Variants in PRNP observed in about 807,000 individuals in gnomAD.
The protein encoded by PRNP is prion protein (Kanno blood group), also known as major prion protein.
PRNP carries 15 observed loss-of-function variants against 21.3 expected under a neutral mutation model. The observed-to-expected ratio is 0.71, with a 90% CI of 0.47 to 1.09. PRNP has a LOEUF of 1.09. Among genes scored for constraint, PRNP ranks in the 50% least tolerant of loss-of-function variants. The pLI, the probability that PRNP is intolerant of heterozygous loss-of-function variation, is 0.00. For synonymous variants in PRNP, 121 were observed against 123.1 expected, an observed-to-expected ratio of 0.98 and a Z score of 0.11; for missense variants, 285 against 340.9, an observed-to-expected ratio of 0.84 and a Z score of 1.29.
At chr20:4,687,216 A>G (rs1921511318) in intron 1 of PRNP, among the ~76,000 whole-genome samples, 1 of 151,682 alleles carries the variant, frequency 6.6e-6, no homozygotes, top group South Asian at 2.1e-4. Context: ...CGCCTGGAGA[A>G]GCGGCCCACG....
Position 4,700,180 on chromosome 20 carries a change from T to C in PRNP, c.*198T>C, listed in dbSNP as rs1411322863. 3 of 1,507,668 alleles carry C rather than the reference T, an allele frequency of 2.0e-6. No homozygotes were observed. Among genetic ancestry groups the C allele is most frequent in the Non-Finnish European group, 1.8e-6 (2 of 1,110,270 alleles). The allele number at this position is 1,507,668 out of a possible 1,614,324, so 93.4% of individuals were successfully genotyped here. On this transcript the variant is annotated 3_prime_UTR_variant, in exon 2 of 2. Coordinates refer to ENST00000379440, the MANE Select transcript of PRNP (RefSeq NM_000311.5). This position sits in a 1 kb window ranked among gnomAD's most constrained non-coding sequence, Gnocchi z 4.1. Reference sequence around the variant, plus strand: ...GAGATGCTGGTCAAGCCCCCTTTGATTGAGTTCATCATGAGCCGTTGCTAA... The same window carrying C: ...GAGATGCTGGTCAAGCCCCCTTTGACTGAGTTCATCATGAGCCGTTGCTAA...
intron 1 of PRNP, among the ~76,000 whole-genome samples, chr20:4,695,729 A>T (rs1468119131): frequency 1.3e-5 from 2 of 152,224 alleles, no homozygotes; most frequent in African/African-American, 4.8e-5. Flanking sequence ...TTGTTTAAAA[A>T]GTTCTTCCCC....
chr20:4,688,971 T>C (rs1171190414), intron 1 of PRNP, among the ~76,000 whole-genome samples: 2 of 152,236 alleles, frequency 1.3e-5, no homozygotes, highest in Non-Finnish European at 2.9e-5. Flanking sequence ...GAGATTGTTA[T>C]ATTTGCTACT....
At position 4,689,522 on chromosome 20, in the gene PRNP, C is replaced by T. The variant is rs566745273; in HGVS notation, c.-11+3010C>T. Among the ~76,000 whole-genome samples, 14 of 152,336 alleles carry T rather than the reference C, an allele frequency of 9.2e-5. No homozygotes were observed. In the South Asian group the frequency reaches 1.2e-3, roughly 14 times the overall value. On this transcript the variant is annotated intron_variant, in intron 1 of 1. Transcript: ENST00000379440. ...AATAATAACATAACAGAAGTTTCTG[C>T]ACCACACTGACACTGAACATGGCTG...
At chr20:4,692,229 G>A (rs894313361) in intron 1 of PRNP, among the ~76,000 whole-genome samples, 1 of 151,996 alleles carries the variant, frequency 6.6e-6, no homozygotes, top group Non-Finnish European at 1.5e-5. Flanking sequence ...TTTGTAGCTT[G>A]CCTACTACTT....
chr20:4,697,290 A>G lies in PRNP; in HGVS notation c.-10-1921A>G, dbSNP rs1000275839. ...TATCCAGCATTTATTTTGCATGTCT[A>G]TGGGTCAAGCGCTCTGTCTAGGAAC... On this transcript the variant is annotated intron_variant, in intron 1 of 1. Transcript: ENST00000379440. The surrounding 1 kb of genome is among the most constrained non-coding windows in gnomAD (Gnocchi z 4.6). Among the ~76,000 whole-genome samples the G allele has an allele frequency of 5.9e-5, 9 of 152,124 alleles. No homozygotes were observed. Among genetic ancestry groups the G allele is most frequent in the Admixed American group, 1.3e-4 (2 of 15,284 alleles).
Position 4,697,145 on chromosome 20 carries a change from C to G in PRNP, c.-10-2066C>G, listed in dbSNP as rs1490947167. Among the ~76,000 whole-genome samples, 1 of 152,162 alleles carries G rather than the reference C, an allele frequency of 6.6e-6. No individual in the cohort carries two copies. Among genetic ancestry groups the G allele is most frequent in the Non-Finnish European group, 1.5e-5 (1 of 68,018 alleles). On this transcript the variant is annotated intron_variant, in intron 1 of 1. Transcript: ENST00000379440. This position sits in a 1 kb window ranked among gnomAD's most constrained non-coding sequence, Gnocchi z 4.6. The stretch of plus-strand genomic sequence containing the variant: ...ATTGAAAATGTTAGCTGGCCATTGT[C>G]AAAAATACTATTTTGTAAATTTATA...
chr20:4,692,600 A>G (rs1370171824), intron 1 of PRNP, among the ~76,000 whole-genome samples: 1 of 152,224 alleles, frequency 6.6e-6, no homozygotes, highest in African/African-American at 2.4e-5. Context: ...GTTCTATAGA[A>G]ACGTTTTAAA....
In PRNP at chr20:4,699,711, G is replaced by A. The variant is rs1922449202; in HGVS notation, c.491G>A (p.Arg164Lys). 1 of 1,613,876 alleles carries A rather than the reference G, an allele frequency of 6.2e-7. No individual in the cohort carries two copies. The highest frequency in any genetic ancestry group is 1.1e-5 in the South Asian group (1 of 91,074). Residue 164 changes from arginine (R) to lysine (K), a missense_variant, in exon 2 of 2, where the codon AGG (arginine) becomes AAG (lysine). Coordinates refer to ENST00000379440, the MANE Select transcript of PRNP (RefSeq NM_000311.5). The surrounding 1 kb of genome is among the most constrained non-coding windows in gnomAD (Gnocchi z 5.8). Reference sequence around the variant, plus strand: ...CGTTACCCCAACCAAGTGTACTACAGGCCCATGGATGAGTACAGCAACCAG... The same window carrying A: ...CGTTACCCCAACCAAGTGTACTACAAGCCCATGGATGAGTACAGCAACCAG... ...MHRYPNQVYY[R>K]PMDEYSNQNN...
In PRNP at chr20:4,691,841, A is replaced by G. The variant is rs1053579915; in HGVS notation, c.-11+5329A>G. Reference sequence around the variant, plus strand: ...AAAAACTTGATACGATTTCAGTCTAATTAAGTTTGTTAAGACTTGTTTTAT... The same window carrying G: ...AAAAACTTGATACGATTTCAGTCTAGTTAAGTTTGTTAAGACTTGTTTTAT... On this transcript the variant is annotated intron_variant, in intron 1 of 1. Coordinates refer to ENST00000379440, the MANE Select transcript of PRNP (RefSeq NM_000311.5). Among the ~76,000 whole-genome samples, 4 of 152,198 alleles carry G rather than the reference A, an allele frequency of 2.6e-5. No homozygotes were observed. In the East Asian group the frequency reaches 5.8e-4, roughly 22 times the overall value.
chr20:4,687,316 A>G (rs1333143643), intron 1 of PRNP, among the ~76,000 whole-genome samples: 1 of 152,010 alleles, frequency 6.6e-6, no homozygotes, highest in Non-Finnish European at 1.5e-5. Context: ...GCGGGGAGAG[A>G]GGAGCTGCAG....
chr20:4,688,363 T>C (rs920921406), intron 1 of PRNP, among the ~76,000 whole-genome samples: 2 of 152,196 alleles, frequency 1.3e-5, no homozygotes, highest in South Asian at 2.1e-4. Flanking sequence ...AATTTCCTGA[T>C]CCTCCTTTTG....
chr20:4,693,419 C>T (rs967071204), intron 1 of PRNP, among the ~76,000 whole-genome samples: 2 of 152,186 alleles, frequency 1.3e-5, no homozygotes, highest in African/African-American at 4.8e-5. Flanking sequence ...AATCCTCCTG[C>T]CTGAGCTTCC....
intron 1 of PRNP, among the ~76,000 whole-genome samples, chr20:4,687,197 C>G (rs966075829): frequency 2.0e-5 from 3 of 152,046 alleles, no homozygotes; most frequent in South Asian, 4.1e-4. Context: ...GCCTTGCGGC[C>G]GTTGCCACCG....
In PRNP at chr20:4,700,543, T is replaced by G; in HGVS notation, c.*561T>G. ...AGCCCGCTGGAGCATGAGCTCTGTGTGTACCGAGAACTGGGGTGATGTTTT... is the reference window on the plus strand; with the variant it reads ...AGCCCGCTGGAGCATGAGCTCTGTGGGTACCGAGAACTGGGGTGATGTTTT... On this transcript the variant is annotated 3_prime_UTR_variant, in exon 2 of 2. Transcript: ENST00000379440. This position sits in a 1 kb window ranked among gnomAD's most constrained non-coding sequence, Gnocchi z 4.1. The G allele has an allele frequency of 3.4e-6, 1 of 290,926 alleles. No homozygotes were observed. The highest frequency in any genetic ancestry group is 9.4e-5 in the East Asian group (1 of 10,626). The allele number at this position is 290,926 out of a possible 1,614,324, so 18.0% of individuals were successfully genotyped here.
At chr20:4,690,988 A>G (rs1230897541) in intron 1 of PRNP, among the ~76,000 whole-genome samples, 1 of 152,260 alleles carries the variant, frequency 6.6e-6, no homozygotes, top group Non-Finnish European at 1.5e-5. Context: ...CAAAATTAAC[A>G]TACAAAAATC....
chr20:4,696,752 C>T (rs915056061), intron 1 of PRNP, among the ~76,000 whole-genome samples: 1 of 152,150 alleles, frequency 6.6e-6, no homozygotes, highest in Non-Finnish European at 1.5e-5. Flanking sequence ...TTGAAATATG[C>T]CAGAGGACTA....
Position 4,699,801 on chromosome 20 carries a change from A to G in PRNP, c.581A>G (p.Lys194Arg), listed in dbSNP as rs1052787597. The change falls in exon 2 of 2, where the codon AAG (lysine) becomes AGG (arginine). Residue 194 changes from lysine to arginine, a missense_variant. Coordinates refer to ENST00000379440, the MANE Select transcript of PRNP (RefSeq NM_000311.5). This position sits in a 1 kb window ranked among gnomAD's most constrained non-coding sequence, Gnocchi z 5.8. ...CAGCACACGGTCACCACAACCACCAAGGGGGAGAACTTCACCGAGACCGAC... is the reference window on the plus strand; with the variant it reads ...CAGCACACGGTCACCACAACCACCAGGGGGGAGAACTTCACCGAGACCGAC... ...IKQHTVTTTT[K>R]GENFTETDVK... The G allele has an allele frequency of 1.7e-5, 27 of 1,613,796 alleles. No homozygotes were observed. Among genetic ancestry groups the G allele is most frequent in the Non-Finnish European group, 2.2e-5 (26 of 1,179,998 alleles).
At position 4,699,828 on chromosome 20, in the gene PRNP, T is replaced by G. The variant is rs1172346323; in HGVS notation, c.608T>G (p.Val203Gly). 6.2e-7 allele frequency: 1 copy of G among 1,612,908 alleles called. No homozygotes were observed. Among genetic ancestry groups the G allele is most frequent in the African/African-American group, 1.3e-5 (1 of 74,556 alleles). The change falls in exon 2 of 2, where the codon GTT (valine) becomes GGT (glycine). Residue 203 changes from valine (V) to glycine (G), a missense_variant. Transcript: ENST00000379440. The surrounding 1 kb of genome is among the most constrained non-coding windows in gnomAD (Gnocchi z 5.8). ...GGGGAGAACTTCACCGAGACCGACG[T>G]TAAGATGATGGAGCGCGTGGTTGAG... ...TKGENFTETD[V>G]KMMERVVEQM...
Sources: gnomAD v4.1 joint callset for allele counts (sites outside exome capture counted in the v4.1 genomes callset) on GRCh38, gnomAD v4.1.1 for gene constraint, Gnocchi (gnomAD v3.1) non-coding constraint, MANE v1.5 for transcripts, NCBI Gene and HGNC (gene_info 2026-07-23, HGNC 2026-07-21) for gene names.